Variants in CFDP1 observed in about 807,000 individuals in gnomAD.
The protein encoded by CFDP1 is heterochromatin-stabilizing protein CFDP1.
A neutral mutation model predicts 40.1 loss-of-function variants in CFDP1; 31 were observed. The observed-to-expected ratio is 0.77, with a 90% CI of 0.58 to 1.04. The LOEUF (loss-of-function observed/expected upper bound fraction) is 1.04. Ranked by LOEUF, CFDP1 falls within the 50% of genes least tolerant of loss-of-function variation. The probability of loss-of-function intolerance (pLI) is 0.00; values close to 1 mark genes in which losing one functional copy is unlikely to be tolerated. For synonymous variants in CFDP1, 167 were observed against 120.0 expected, an observed-to-expected ratio of 1.39 and a Z score of -2.56; for missense variants, 423 against 343.4, an observed-to-expected ratio of 1.23 and a Z score of -1.83.
intron 5 of CFDP1, among the ~76,000 whole-genome samples, chr16:75,346,649 A>G (rs927177617): frequency 6.7e-6 from 1 of 149,414 alleles, no homozygotes. Flanking sequence ...GGAAGCAACA[A>G]TAAACTAAGT....
intron 5 of CFDP1, among the ~76,000 whole-genome samples, chr16:75,392,639 G>A (rs1396472998): frequency 5.9e-5 from 9 of 152,132 alleles, no homozygotes; most frequent in Non-Finnish European, 1.0e-4. Flanking sequence ...CTGGGATTAA[G>A]GGCATGTGCC....
intron 5 of CFDP1, among the ~76,000 whole-genome samples, chr16:75,361,130 C>G (rs761784043): frequency 6.6e-6 from 1 of 152,152 alleles, no homozygotes; most frequent in Non-Finnish European, 1.5e-5. Flanking sequence ...CTGCCTCAGC[C>G]TCTGTAGTAG....
chr16:75,349,026 C>T (rs1004846036), intron 5 of CFDP1, among the ~76,000 whole-genome samples: 1 of 151,756 alleles, frequency 6.6e-6, no homozygotes, highest in African/African-American at 2.4e-5. Flanking sequence ...GCCACCACAC[C>T]TGGATAACTT....
chr16:75,412,936 T>TA (rs2079175644), intron 2 of CFDP1, among the ~76,000 whole-genome samples, 182 bp from the exon 3 acceptor site: 1 of 148,832 alleles, frequency 6.7e-6, no homozygotes. Flanking sequence ...AAAAAAGAAT[T>TA]GAAAAAAAAA....
intron 5 of CFDP1, among the ~76,000 whole-genome samples, chr16:75,358,130 C>A (rs8048677): frequency 6.6e-6 from 1 of 152,034 alleles, no homozygotes; most frequent in Non-Finnish European, 1.5e-5. Flanking sequence ...ACTGATTGCA[C>A]ACCGCCATAA....
At chr16:75,329,264 G>C (rs2078427522) in intron 5 of CFDP1, among the ~76,000 whole-genome samples, 1 of 152,138 alleles carries the variant, frequency 6.6e-6, no homozygotes, top group Admixed American at 6.5e-5. Context: ...AGGATTACAG[G>C]CATGAACCAC....
intron 5 of CFDP1, among the ~76,000 whole-genome samples, chr16:75,307,204 CTTTTTA>C (rs2078264756): frequency 6.6e-6 from 1 of 151,952 alleles, no homozygotes; most frequent in Non-Finnish European, 1.5e-5. Context: ...TCACTGACCC[CTTTTTA>C]TTTTTATTTA....
At chr16:75,422,526 C>G (rs533125219) in intron 1 of CFDP1, among the ~76,000 whole-genome samples, 2 of 151,744 alleles carry the variant, frequency 1.3e-5, no homozygotes, top group African/African-American at 4.8e-5. Flanking sequence ...TCACGAATAC[C>G]TGAGACTACA....
At chr16:75,428,180 G>C (rs1331797693) in intron 1 of CFDP1, among the ~76,000 whole-genome samples, 2 of 151,282 alleles carry the variant, frequency 1.3e-5, no homozygotes, top group Non-Finnish European at 1.5e-5. Context: ...GTTCATTTTG[G>C]TGGAGGTTAC....
At chr16:75,408,091 G>C (rs77281617) in intron 4 of CFDP1, among the ~76,000 whole-genome samples, 2,606 of 143,554 alleles carry the variant, frequency 0.018, 72 homozygotes, top group African/African-American at 0.061. Context: ...GTGACAAAGA[G>C]AGACTCTGTC....
At chr16:75,345,209 C>T (rs768026612) in intron 5 of CFDP1, among the ~76,000 whole-genome samples, 2 of 152,054 alleles carry the variant, frequency 1.3e-5, no homozygotes, top group African/African-American at 2.4e-5. Flanking sequence ...ATAATCCCAG[C>T]ACTTTGGGAG....
At chr16:75,397,067 C>A (rs577812989) in intron 4 of CFDP1, among the ~76,000 whole-genome samples, 1 of 152,100 alleles carries the variant, frequency 6.6e-6, no homozygotes, top group African/African-American at 2.4e-5. Flanking sequence ...GTGCCCGCCA[C>A]CACGCCCAGC....
intron 5 of CFDP1, among the ~76,000 whole-genome samples, chr16:75,351,942 A>G (rs1378678861): frequency 1.1e-4 from 15 of 138,028 alleles, no homozygotes; most frequent in Admixed American, 3.8e-4. Flanking sequence ...CGGGAGGTAG[A>G]GGTTGCAGTA....
At chr16:75,363,588 G>T (rs11866928) in intron 5 of CFDP1, among the ~76,000 whole-genome samples, 71 of 151,864 alleles carry the variant, frequency 4.7e-4, no homozygotes, top group Admixed American at 9.9e-4. Context: ...TAGAGTCAGG[G>T]TTTCACCATG....
intron 4 of CFDP1, among the ~76,000 whole-genome samples, chr16:75,400,377 A>T (rs1358694141): frequency 1.3e-5 from 2 of 152,236 alleles, no homozygotes; most frequent in Non-Finnish European, 2.9e-5. Context: ...CTAAGCCTAC[A>T]GCCATGTGGA....
intron 5 of CFDP1, among the ~76,000 whole-genome samples, chr16:75,340,213 T>C (rs2078517387): frequency 6.6e-6 from 1 of 152,202 alleles, no homozygotes; most frequent in Admixed American, 6.6e-5. Flanking sequence ...ACGATGATCC[T>C]GTAACAGAGG....
intron 1 of CFDP1, among the ~76,000 whole-genome samples, chr16:75,415,521 A>T (rs570889725): frequency 6.6e-6 from 1 of 152,296 alleles, no homozygotes; most frequent in Non-Finnish European, 1.5e-5. Flanking sequence ...CCTTCCAGTC[A>T]CTAACAACTG....
At chr16:75,321,679 T>TCA (rs2078364621) in intron 5 of CFDP1, among the ~76,000 whole-genome samples, 1 of 152,198 alleles carries the variant, frequency 6.6e-6, no homozygotes, top group African/African-American at 2.4e-5. Context: ...AACTAAGAAC[T>TCA]CATGACTGTA....
intron 4 of CFDP1, among the ~76,000 whole-genome samples, chr16:75,402,844 C>A (rs1178668825): frequency 6.6e-6 from 1 of 151,950 alleles, no homozygotes; most frequent in Non-Finnish European, 1.5e-5. Context: ...TGTCAACATG[C>A]CCACTATTAA....
Sources: allele counts gnomAD v4.1 joint callset (sites outside exome capture counted in the v4.1 genomes callset), GRCh38; gene constraint gnomAD v4.1.1; transcripts MANE v1.5; gene names NCBI Gene and HGNC (gene_info 2026-07-23, HGNC 2026-07-21).